AFM: variants seen among roughly 807,000 people sequenced by gnomAD.
The protein encoded by AFM is afamin, also known as alpha-Alb.
Under a neutral mutation model 68.7 loss-of-function variants are expected in AFM, and 82 were observed. The observed-to-expected ratio is 1.19, with a 90% CI of 1.00 to 1.43. The LOEUF (loss-of-function observed/expected upper bound fraction) is 1.43. Among genes scored for constraint, AFM ranks in the 40% most tolerant of loss-of-function variants. The pLI is 0.00. For synonymous variants in AFM, 250 were observed against 234.2 expected, an observed-to-expected ratio of 1.07 and a Z score of -0.61; for missense variants, 772 against 701.8, an observed-to-expected ratio of 1.10 and a Z score of -1.13.
At chr4:73,501,963 G>A (rs759810705) in intron 13 of AFM, 44 bp downstream of exon 13, 2 of 1,599,558 alleles carry the variant, frequency 1.3e-6, no homozygotes, top group Non-Finnish European at 8.5e-7. Context: ...GGTTTTCCTG[G>A]TCAAATAAAA....
intron 8 of AFM, 85 bp downstream of exon 8, chr4:73,492,171 A>T: frequency 8.1e-7 from 1 of 1,235,204 alleles, no homozygotes; most frequent in East Asian, 2.4e-5. Context: ...AGGTGGAAGG[A>T]CATGGTACCG....
intron 10 of AFM, among the ~76,000 whole-genome samples, chr4:73,498,290 A>G (rs907664759): frequency 2.6e-5 from 4 of 151,678 alleles, no homozygotes; most frequent in South Asian, 2.1e-4. Flanking sequence ...TATTATTATC[A>G]TTACTACATA....
At chr4:73,488,201 C>T (rs1055181837) in intron 6 of AFM, among the ~76,000 whole-genome samples, 1 of 152,088 alleles carries the variant, frequency 6.6e-6, no homozygotes, top group African/African-American at 2.4e-5. Flanking sequence ...TAAATTTTAT[C>T]TCTAGTGCTC....
chr4:73,487,639 A>G, intron 5 of AFM, 85 bp from the exon 6 acceptor site: 1 of 906,430 alleles, frequency 1.1e-6, no homozygotes, highest in Non-Finnish European at 1.7e-6. Flanking sequence ...AAATTTTGTA[A>G]TAGTTTGAAT....
chr4:73,490,611 C>G (rs544536088), intron 7 of AFM, among the ~76,000 whole-genome samples: 50 of 151,992 alleles, frequency 3.3e-4, no homozygotes, highest in Non-Finnish European at 6.0e-4. Context: ...TTAGTAGAGA[C>G]GGGGTTTCAC....
intron 9 of AFM, among the ~76,000 whole-genome samples, chr4:73,496,287 ATCCC>A (rs1721254116): frequency 6.6e-6 from 1 of 152,208 alleles, no homozygotes; most frequent in African/African-American, 2.4e-5. Context: ...AAATGATGGT[ATCCC>A]ATCATAATTA....
At chr4:73,501,217 T>C (rs1290129371) in intron 12 of AFM, among the ~76,000 whole-genome samples, 2 of 152,096 alleles carry the variant, frequency 1.3e-5, no homozygotes, top group Non-Finnish European at 2.9e-5. Context: ...TTAATTGTGA[T>C]AGCTTATTTT....
At chr4:73,486,137 C>G in intron 4 of AFM, 64 bp downstream of exon 4, 1 of 1,304,088 alleles carries the variant, frequency 7.7e-7, no homozygotes, top group Non-Finnish European at 1.1e-6. Flanking sequence ...AATCTAATAT[C>G]TATCTCAAAT....
At chr4:73,484,718 G>A (rs770533008) in intron 3 of AFM, among the ~76,000 whole-genome samples, 3 of 151,734 alleles carry the variant, frequency 2.0e-5, no homozygotes, top group Non-Finnish European at 4.4e-5. Flanking sequence ...TGTATTTTTA[G>A]TAGAGATGAG....
chr4:73,491,500 C>T (rs1323610174), intron 7 of AFM, among the ~76,000 whole-genome samples: 1 of 152,136 alleles, frequency 6.6e-6, no homozygotes, highest in Non-Finnish European at 1.5e-5. Flanking sequence ...ATTATAGTAA[C>T]ATGTCTTTGG....
intron 7 of AFM, among the ~76,000 whole-genome samples, chr4:73,490,563 G>T (rs754900542): frequency 1.3e-5 from 2 of 152,084 alleles, no homozygotes; most frequent in Non-Finnish European, 2.9e-5. Flanking sequence ...GGGACTACAG[G>T]TGTCTGCCAC....
At chr4:73,487,123 A>G in intron 5 of AFM, 24 bp downstream of exon 5, 1 of 1,612,862 alleles carries the variant, frequency 6.2e-7, no homozygotes, top group Non-Finnish European at 8.5e-7. Flanking sequence ...TTGTTCCATG[A>G]AGAGGATAAG....
intron 7 of AFM, among the ~76,000 whole-genome samples, chr4:73,490,352 G>A (rs1433918028): frequency 2.6e-5 from 4 of 152,154 alleles, no homozygotes; most frequent in Non-Finnish European, 5.9e-5. Context: ...CTGTACCCAA[G>A]TTAAATCAAT....
rs761037159 is a variant in AFM at position 73,501,850 on chromosome 4, T to C, written c.1710T>C (p.Phe570=). ...ELTDEELQSL[F]TNFANVVDKC... ...CAGATGAAGAGCTGCAGTCTTTGTT[T>C]ACAAATTTCGCAAATGTAGTGGATA... Residue 570 remains phenylalanine, a synonymous_variant, in exon 13 of 15, where the codon TTT becomes TTC. Transcript: ENST00000226355. 1 of 1,613,596 alleles carries C rather than the reference T, an allele frequency of 6.2e-7. No homozygotes were observed. Among genetic ancestry groups the C allele is most frequent in the Non-Finnish European group, 8.5e-7 (1 of 1,179,692 alleles).
At chr4:73,486,463 T>G (rs1720904995) in intron 4 of AFM, among the ~76,000 whole-genome samples, 1 of 152,240 alleles carries the variant, frequency 6.6e-6, no homozygotes, top group East Asian at 1.9e-4. Flanking sequence ...AATATAGTGC[T>G]GTCATTGCAG....
At chr4:73,484,596 G>A (rs1259789539) in intron 3 of AFM, among the ~76,000 whole-genome samples, 1 of 150,236 alleles carries the variant, frequency 6.7e-6, no homozygotes, top group Non-Finnish European at 1.5e-5. Context: ...GAGTGCAGTG[G>A]CAATCTTGGC....
chr4:73,484,237 A>G (rs756571155), intron 2 of AFM, 21 bp from the exon 3 acceptor site: 20 of 1,596,098 alleles, frequency 1.3e-5, no homozygotes, highest in Non-Finnish European at 1.2e-5. Flanking sequence ...ATCTTTGTAT[A>G]CCCCATGTGA....
At chr4:73,500,498 C>T (rs1721399321) in intron 12 of AFM, among the ~76,000 whole-genome samples, 1 of 152,136 alleles carries the variant, frequency 6.6e-6, no homozygotes, top group Admixed American at 6.6e-5. Flanking sequence ...CAAAAAGGCT[C>T]ATAGGCAGGC....
In AFM at chr4:73,485,971, A is replaced by T. The variant is rs758736794; in HGVS notation, c.380A>T (p.Tyr127Phe). ...VDAQRRLCFF[Y>F]NKKSDVGFLP... Reference sequence around the variant, plus strand: ...GCTCAAAGAAGACTCTGTTTCTTCTATAACAAGAAATCTGATGTGGGATTT... The same window carrying T: ...GCTCAAAGAAGACTCTGTTTCTTCTTTAACAAGAAATCTGATGTGGGATTT... Residue 127 changes from tyrosine to phenylalanine, a missense_variant, in exon 4 of 15, where the codon TAT (tyrosine) becomes TTT (phenylalanine). Physicochemically the swap from Tyr to Phe is conservative, Grantham distance 22. Transcript: ENST00000226355. 5.6e-6 allele frequency: 9 copies of T among 1,614,006 alleles called. No individual in the cohort carries two copies. The Admixed American group carries it at 1.5e-4, about 27-fold the overall frequency.
Sources: gnomAD v4.1 joint callset for allele counts (sites outside exome capture counted in the v4.1 genomes callset) on GRCh38, gnomAD v4.1.1 for gene constraint, MANE v1.5 for transcripts, NCBI Gene and HGNC (gene_info 2026-07-23, HGNC 2026-07-21) for gene names.